PPARGC1A: variants seen among roughly 807,000 people sequenced by gnomAD.
The protein encoded by PPARGC1A is peroxisome proliferator-activated receptor gamma coactivator 1-alpha.
In PPARGC1A, 25 loss-of-function variants were observed where a neutral mutation model predicts 88.7. That is an observed-to-expected ratio of 0.28 (90% confidence interval 0.21 to 0.39). PPARGC1A has a LOEUF of 0.39. Ranked by LOEUF, PPARGC1A falls within the 10% of genes least tolerant of loss-of-function variation. PPARGC1A has a pLI of 1.00. For missense variants in PPARGC1A, 880 were observed against 968.7 expected (o/e 0.91, Z 1.22); for synonymous variants, 363 against 355.6 (o/e 1.02, Z -0.24).
chr4:23,857,373 G>GTC (rs148212399), intron 2 of PPARGC1A, among the ~76,000 whole-genome samples: 3 of 104,452 alleles, frequency 2.9e-5, no homozygotes, highest in African/African-American at 8.0e-5. Flanking sequence ...GTGTGTGTGT[G>GTC]ACACACACAC....
the PPARGC1A span, among the ~76,000 whole-genome samples, chr4:24,415,703 G>A: frequency 6.6e-6 from 1 of 152,168 alleles, no homozygotes; most frequent in African/African-American, 2.4e-5. Context: ...TTTGCTTGAA[G>A]AACAGAGAGT....
chr4:24,232,539 C>T, the PPARGC1A span, among the ~76,000 whole-genome samples: 174 of 152,300 alleles, frequency 1.1e-3, no homozygotes, highest in African/African-American at 3.6e-3. Flanking sequence ...CACTATATCA[C>T]GGGAACAATC....
At chr4:24,428,501 C>A in the PPARGC1A span, among the ~76,000 whole-genome samples, 2 of 152,194 alleles carry the variant, frequency 1.3e-5, no homozygotes, top group African/African-American at 4.8e-5. Context: ...TAATATTATA[C>A]CTTACTCTAC....
chr4:23,856,141 C>T (rs1016664684), intron 2 of PPARGC1A, among the ~76,000 whole-genome samples: 6 of 152,158 alleles, frequency 3.9e-5, no homozygotes, highest in Admixed American at 6.5e-5. Flanking sequence ...ATTCCCACCC[C>T]ATAGAGCTCC....
chr4:24,072,858 A>T, the PPARGC1A span, among the ~76,000 whole-genome samples: 1 of 152,260 alleles, frequency 6.6e-6, no homozygotes, highest in Non-Finnish European at 1.5e-5. Context: ...TATATTATTC[A>T]GCAAGAATAG....
the PPARGC1A span, among the ~76,000 whole-genome samples, chr4:24,053,406 G>A: frequency 6.6e-6 from 1 of 152,132 alleles, no homozygotes; most frequent in Non-Finnish European, 1.5e-5. Context: ...GATACTATGG[G>A]TGAAAGTTGC....
chr4:24,322,209 G>T, the PPARGC1A span, among the ~76,000 whole-genome samples: 1 of 152,202 alleles, frequency 6.6e-6, no homozygotes, highest in Non-Finnish European at 1.5e-5. Context: ...TCTGAAAATG[G>T]TTTTTTAAAT....
the PPARGC1A span, among the ~76,000 whole-genome samples, chr4:24,090,368 G>C: frequency 6.6e-6 from 1 of 152,200 alleles, no homozygotes; most frequent in East Asian, 1.9e-4. Flanking sequence ...TTTTTCTGAA[G>C]CTCCTTACTT....
At chr4:24,415,399 G>A in the PPARGC1A span, among the ~76,000 whole-genome samples, 1 of 152,128 alleles carries the variant, frequency 6.6e-6, no homozygotes, top group Non-Finnish European at 1.5e-5. Flanking sequence ...AAGTAACATA[G>A]TAGGCAACCT....
At chr4:24,297,277 T>C in the PPARGC1A span, among the ~76,000 whole-genome samples, 1 of 152,152 alleles carries the variant, frequency 6.6e-6, no homozygotes, top group Non-Finnish European at 1.5e-5. Flanking sequence ...TTCCTAGAGT[T>C]ACTACGTAGT....
chr4:24,242,076 C>G, the PPARGC1A span, among the ~76,000 whole-genome samples: 1 of 152,204 alleles, frequency 6.6e-6, no homozygotes, highest in Non-Finnish European at 1.5e-5. Context: ...CTCCAGCCCA[C>G]TACTGCTGCC....
At chr4:24,137,373 C>G in the PPARGC1A span, among the ~76,000 whole-genome samples, 2 of 152,062 alleles carry the variant, frequency 1.3e-5, no homozygotes, top group Non-Finnish European at 2.9e-5. Context: ...TTAAGCCACC[C>G]AGTCCCTGGT....
chr4:24,015,229 C>T, the PPARGC1A span, among the ~76,000 whole-genome samples: 5 of 151,874 alleles, frequency 3.3e-5, no homozygotes, highest in African/African-American at 7.3e-5. Flanking sequence ...CATATACATA[C>T]GTAAACATAG....
the PPARGC1A span, among the ~76,000 whole-genome samples, chr4:24,079,750 T>G: frequency 6.6e-6 from 1 of 152,062 alleles, no homozygotes; most frequent in Non-Finnish European, 1.5e-5. Flanking sequence ...CGCCTGAAAT[T>G]TAATTTGTAG....
the PPARGC1A span, among the ~76,000 whole-genome samples, chr4:23,935,438 C>T: frequency 1.3e-5 from 2 of 152,166 alleles, no homozygotes; most frequent in Non-Finnish European, 2.9e-5. Context: ...ATTTCTGGTT[C>T]ACAGGTACTT....
the PPARGC1A span, among the ~76,000 whole-genome samples, chr4:23,919,915 G>A: frequency 2.6e-5 from 4 of 152,162 alleles, no homozygotes; most frequent in Non-Finnish European, 5.9e-5. Context: ...TAAAAGATCC[G>A]CTAAGAGGAT....
Position 23,831,483 on chromosome 4 carries a change from G to A in PPARGC1A, c.429+74C>T, listed in dbSNP as rs780384084. 2.5e-5 allele frequency: 33 copies of A among 1,342,114 alleles called. No individual in the cohort carries two copies. In the South Asian group the frequency reaches 3.7e-4, roughly 15 times the overall value. 83.1% of individuals were successfully genotyped at this position (1,342,114 alleles called of 1,614,324 possible). Reference sequence around the variant, plus strand: ...AATGAAAAAATCCAAACCTTATTGTGACTACATCATACCCATGCAGCGGGT... The same window carrying A: ...AATGAAAAAATCCAAACCTTATTGTAACTACATCATACCCATGCAGCGGGT... On this transcript the variant is annotated intron_variant, in intron 3 of 12. Coordinates refer to ENST00000264867, the MANE Select transcript of PPARGC1A (RefSeq NM_013261.5).
chr4:23,884,770 C>A lies in PPARGC1A; in HGVS notation c.216G>T (p.Glu72Asp). ...TCCTTACCTCAAATATGTTTGAAGG[C>A]TCATTGTTGTACTGATTGGATATTA... is the stretch of plus-strand genomic sequence containing the variant. ...SEIISNQYNNEPSNIFEKIDE... is the reference protein window; with the variant it reads ...SEIISNQYNNDPSNIFEKIDE... The change falls in exon 2 of 13, where the codon GAG becomes GAT. Residue 72 changes from glutamate (E) to aspartate (D), a missense_variant. Glu to Asp is a conservative substitution (Grantham distance 45). Coordinates refer to ENST00000264867, the MANE Select transcript of PPARGC1A (RefSeq NM_013261.5). The A allele has an allele frequency of 6.2e-7, 1 of 1,610,392 alleles. No individual in the cohort carries two copies. Among genetic ancestry groups the A allele is most frequent in the Non-Finnish European group, 8.5e-7 (1 of 1,178,208 alleles).
the PPARGC1A span, among the ~76,000 whole-genome samples, chr4:24,194,622 ACGCGCGCG>A: frequency 0.28 from 10,754 of 38,320 alleles, 436 homozygotes; most frequent in South Asian, 0.43. Context: ...ACGCGCGCGC[ACGCGCGCG>A]CACACACACA....
Sources: allele counts gnomAD v4.1 joint callset (sites outside exome capture counted in the v4.1 genomes callset), GRCh38; gene constraint gnomAD v4.1.1; transcripts MANE v1.5; gene names NCBI Gene and HGNC (gene_info 2026-07-23, HGNC 2026-07-21).